Variants in CDK5RAP3 observed in about 807,000 individuals in gnomAD.
CDK5RAP3 encodes the protein CDK5 regulatory subunit-associated protein 3.
In CDK5RAP3, 58 loss-of-function variants were observed where a neutral mutation model predicts 73.3. The observed-to-expected ratio is 0.79, with a 90% CI of 0.64 to 0.98. The LOEUF is 0.98. CDK5RAP3 is among the 50% of genes least tolerant of loss of function. The pLI, the probability that CDK5RAP3 is intolerant of heterozygous loss-of-function variation, is 0.00. For synonymous variants in CDK5RAP3, 224 were observed against 247.5 expected (o/e 0.91, Z 0.89); for missense variants, 525 against 615.8 (o/e 0.85, Z 1.56).
At position 47,980,718 on chromosome 17, in the gene CDK5RAP3, G is replaced by T. The variant is rs370631756; in HGVS notation, c.1203G>T (p.Met401Ile). 5.0e-5 allele frequency: 80 copies of T among 1,614,168 alleles called. No individual in the cohort carries two copies. In the African/African-American group the frequency reaches 1.0e-3, roughly 20 times the overall value. The change falls in exon 12 of 14, where the codon ATG (methionine) becomes ATT (isoleucine). Residue 401 changes from methionine to isoleucine, a missense_variant. By Grantham distance (10) the Met-to-Ile change is conservative. Around this residue, in one of 2 missense-constraint regions of CDK5RAP3, gnomAD observed 116 missense variants for 186.1 expected, o/e 0.62. Coordinates refer to ENST00000338399, the MANE Select transcript of CDK5RAP3 (RefSeq NM_176096.3). Reference sequence around the variant, plus strand: ...AGACCAAAGAGAAGATGGTTACCATGGTGTCAGTGCTGGAGGATCTGATTG... The same window carrying T: ...AGACCAAAGAGAAGATGGTTACCATTGTGTCAGTGCTGGAGGATCTGATTG... ...QGQTKEKMVTMVSVLEDLIGK... is the reference protein window; with the variant it reads ...QGQTKEKMVTIVSVLEDLIGK...
chr17:47,978,954 G>A (rs747137154), intron 11 of CDK5RAP3, 37 bp downstream of exon 11: 13 of 1,537,198 alleles, frequency 8.5e-6, no homozygotes, highest in South Asian at 3.3e-5. Flanking sequence ...GGGGAGGCAT[G>A]GCACCAGCAC....
chr17:47,976,038 G>T lies in CDK5RAP3; in HGVS notation c.798+25G>T, dbSNP rs184541279. On this transcript the variant is annotated intron_variant, in intron 8 of 13. Transcript: ENST00000338399. ...GGTAAGATGGGCCTTGTGATGAGCTGTAGGAGTGGAGTGGGAGCTGCTTGT... is the reference window on the plus strand; with the variant it reads ...GGTAAGATGGGCCTTGTGATGAGCTTTAGGAGTGGAGTGGGAGCTGCTTGT... 16 of 1,608,176 alleles carry T rather than the reference G, an allele frequency of 9.9e-6. No individual in the cohort carries two copies. The Admixed American group carries it at 2.0e-4, about 20-fold the overall frequency.
At chr17:47,979,569 C>G (rs2036505183) in intron 11 of CDK5RAP3, 1 of 152,640 alleles carries the variant, frequency 6.6e-6, no homozygotes. Context: ...TCTGAGTGAA[C>G]TGGGAAGCTG....
At chr17:47,975,481 T>C in intron 6 of CDK5RAP3, 33 bp from the exon 7 acceptor site, 1 of 1,609,718 alleles carries the variant, frequency 6.2e-7, no homozygotes, top group Non-Finnish European at 8.5e-7. Context: ...TTTTCTTCAA[T>C]CTGTTGGACT....
intron 11 of CDK5RAP3, chr17:47,979,519 A>G (rs2036504148): frequency 6.5e-6 from 1 of 152,966 alleles, no homozygotes; most frequent in Non-Finnish European, 1.5e-5. Flanking sequence ...GGTGGGGAGT[A>G]GAAGAGCTCA....
At chr17:47,974,350 G>C (rs2036341788) in intron 4 of CDK5RAP3, 50 bp from the exon 5 acceptor site, 3 of 1,481,188 alleles carry the variant, frequency 2.0e-6, no homozygotes, top group African/African-American at 2.8e-5. Context: ...GCTGGGATGT[G>C]GCTGTCGAGT....
Position 47,975,561 on chromosome 17 carries a change from G to A in CDK5RAP3, c.561G>A (p.Pro187=), listed in dbSNP as rs373053211. 17 of 1,611,122 alleles carry A rather than the reference G, an allele frequency of 1.1e-5. No individual in the cohort carries two copies. The highest frequency in any genetic ancestry group is 9.3e-5 in the African/African-American group (7 of 75,068). The part of the protein sequence containing the change: ...GELLALVKDL[P]SQLAEIGAAA... ...TGCTGGCCCTGGTGAAGGACCTGCC[G>A]AGTCAGCTGGCTGAGATTGGGGCAG... is the stretch of plus-strand genomic sequence containing the variant. Residue 187 remains proline, a synonymous_variant, in exon 7 of 14, where the codon CCG becomes CCA. Coordinates refer to ENST00000338399, the MANE Select transcript of CDK5RAP3 (RefSeq NM_176096.3).
chr17:47,971,590 G>A (rs1053308421), intron 2 of CDK5RAP3, among the ~76,000 whole-genome samples, 183 bp downstream of exon 2: 2 of 152,236 alleles, frequency 1.3e-5, no homozygotes, highest in African/African-American at 4.8e-5. Context: ...CGAACCATAT[G>A]TACAGTCTGT....
intron 10 of CDK5RAP3, chr17:47,978,607 A>G (rs2036478771): frequency 7.4e-6 from 4 of 544,164 alleles, no homozygotes; most frequent in Admixed American, 6.4e-5. Context: ...TACCCCTCTG[A>G]ACCCAGCTCT....
Position 47,977,869 on chromosome 17 carries a change from C to CTGTTGCTT in CDK5RAP3, c.950_957dup (p.Gln320LeufsTer25). 6.2e-7 allele frequency: 1 copy of CTGTTGCTT among 1,614,070 alleles called. No homozygotes were observed. Among genetic ancestry groups the CTGTTGCTT allele is most frequent in the Non-Finnish European group, 8.5e-7 (1 of 1,179,978 alleles). On this transcript the variant is annotated frameshift_variant, in exon 10 of 14. Coordinates refer to ENST00000338399, the MANE Select transcript of CDK5RAP3 (RefSeq NM_176096.3). LOFTEE classifies it high-confidence loss of function. ...GATGGGATAGACTGGGGAGACGATGCTGTTGCTTTGCAGATCACAGTGCTG... is the reference window on the plus strand; with the variant it reads ...GATGGGATAGACTGGGGAGACGATGCTGTTGCTTTGTTGCTTTGCAGATCACAGTGCTG...
chr17:47,974,827 A>G (rs1210017284), intron 5 of CDK5RAP3: 1 of 1,289,250 alleles, frequency 7.8e-7, no homozygotes, highest in Non-Finnish European at 9.9e-7. Context: ...CCTGAGAGCA[A>G]CTACAGGACT....
At chr17:47,972,670 G>GTT (rs34538173) in intron 2 of CDK5RAP3, among the ~76,000 whole-genome samples, 434 of 150,468 alleles carry the variant, frequency 2.9e-3, no homozygotes, top group African/African-American at 9.3e-3. Context: ...TTCATTGAGG[G>GTT]TTTTTTTTTG....
At chr17:47,974,091 A>C in intron 4 of CDK5RAP3, 60 bp downstream of exon 4, 1 of 1,192,866 alleles carries the variant, frequency 8.4e-7, no homozygotes, top group South Asian at 1.2e-5. Context: ...GAGGAGTCAT[A>C]GCCTCTGTGG....
chr17:47,975,956 C>T lies in CDK5RAP3; in HGVS notation c.741C>T (p.Pro247=). The T allele has an allele frequency of 2.5e-6, 4 of 1,614,184 alleles. No individual in the cohort carries two copies. The highest frequency in any genetic ancestry group is 2.5e-6 in the Non-Finnish European group (3 of 1,180,042). ...ACGAGTGGAGGACAGGGACAGAGCC[C>T]TCTGTGGTGGAACGACCCCACCTCG... ...TVYEWRTGTE[P]SVVERPHLEE... The change falls in exon 8 of 14, where the codon CCC becomes CCT. Residue 247 remains proline (P), a synonymous_variant. Coordinates refer to ENST00000338399, the MANE Select transcript of CDK5RAP3 (RefSeq NM_176096.3).
rs560181814 is a variant in CDK5RAP3, at chr17:47,981,770, CT to C, written c.*270del. On this transcript the variant is annotated 3_prime_UTR_variant, in exon 14 of 14. Transcript: ENST00000338399. ...GGACTTAATAAAAGAGGAAAAAACT[CT>C]TGCTTCAGTACTGACAGTTCCTTAT... The C allele has an allele frequency of 3.4e-4, 499 of 1,448,308 alleles. 7 individuals carry two copies. The South Asian group carries it at 4.6e-3, about 13-fold the overall frequency. 89.7% of individuals were successfully genotyped at this position (1,448,308 alleles called of 1,614,324 possible). A position where few individuals can be genotyped will look rare whatever the true frequency, so the allele number is the denominator to read the frequency against.
At chr17:47,974,098 G>A (rs1173479002) in intron 4 of CDK5RAP3, 67 bp downstream of exon 4, 2 of 1,132,532 alleles carry the variant, frequency 1.8e-6, no homozygotes, top group South Asian at 1.2e-5. Flanking sequence ...CATAGCCTCT[G>A]TGGTCTCTCT....
intron 5 of CDK5RAP3, 68 bp downstream of exon 5, chr17:47,974,516 A>G: frequency 6.2e-7 from 1 of 1,612,324 alleles, no homozygotes; most frequent in Non-Finnish European, 8.5e-7. Context: ...CTGAGATACC[A>G]GGCTTATAGG....
intron 2 of CDK5RAP3, among the ~76,000 whole-genome samples, chr17:47,971,927 A>G (rs1391601825): frequency 6.6e-6 from 1 of 152,142 alleles, no homozygotes. Context: ...CCCCGGAGGC[A>G]GAGGTTGCGG....
At chr17:47,970,879 C>A (rs1043580430), upstream of CDK5RAP3, 11 of 1,426,496 alleles carry the variant, frequency 7.7e-6, no homozygotes, top group African/African-American at 7.1e-5. Context: ...AGCGCACCCC[C>A]TCCCGTCCCC....
Sources: allele counts gnomAD v4.1 joint callset (sites outside exome capture counted in the v4.1 genomes callset), GRCh38; gene constraint gnomAD v4.1.1; regional missense constraint gnomAD v4.1.1; transcripts MANE v1.5; gene names NCBI Gene and HGNC (gene_info 2026-07-23, HGNC 2026-07-21).